The following SP100 variants were observed in gnomAD, a reference collection of about 807,000 sequenced individuals.
SP100 encodes the protein SP100 nuclear body protein.
A neutral mutation model predicts 130.0 loss-of-function variants in SP100; 84 were observed. The ratio of observed to expected loss-of-function variants is 0.65; its 90% CI spans 0.54 to 0.77. The LOEUF (loss-of-function observed/expected upper bound fraction) is 0.77. Among genes scored for constraint, SP100 ranks in the 30% least tolerant of loss-of-function variants. SP100 has a pLI of 0.00. For synonymous variants in SP100, 331 were observed against 351.7 expected (o/e 0.94, Z 0.66); for missense variants, 978 against 1,052.2 (o/e 0.93, Z 0.97).
chr2:230,445,912 G>A (rs571526781), intron 4 of SP100, among the ~76,000 whole-genome samples: 7 of 151,374 alleles, frequency 4.6e-5, no homozygotes, highest in Non-Finnish European at 1.5e-5. Flanking sequence ...ACCACCCACC[G>A]CCCCACCCAG....
chr2:230,434,154 A>G (rs183920707), intron 2 of SP100, among the ~76,000 whole-genome samples: 44 of 152,152 alleles, frequency 2.9e-4, no homozygotes, highest in African/African-American at 9.9e-4. Flanking sequence ...TTTAATTTAT[A>G]TAAAAATTAG....
intron 2 of SP100, among the ~76,000 whole-genome samples, chr2:230,428,440 T>C (rs1369294035): frequency 1.3e-5 from 2 of 149,468 alleles, no homozygotes; most frequent in African/African-American, 5.0e-5. Flanking sequence ...GGAGAAGTGC[T>C]ACACACTTTT....
chr2:230,434,013 A>G (rs1038006261), intron 2 of SP100, among the ~76,000 whole-genome samples: 1 of 151,604 alleles, frequency 6.6e-6, no homozygotes, highest in Admixed American at 6.6e-5. Flanking sequence ...TGGTAAAAGA[A>G]AGATCTGAAG....
intron 2 of SP100, among the ~76,000 whole-genome samples, chr2:230,441,382 C>A (rs1158190706): frequency 6.6e-6 from 1 of 152,178 alleles, no homozygotes; most frequent in East Asian, 1.9e-4. Context: ...CCAAGCAATT[C>A]CACTGCTACA....
At chr2:230,474,538 A>G (rs2150002390) in intron 17 of SP100, 91 bp downstream of exon 17, 2 of 704,232 alleles carry the variant, frequency 2.8e-6, no homozygotes, top group East Asian at 2.8e-5. Flanking sequence ...TCTTTTTTCA[A>G]CTTTTATTAT....
Position 230,504,503 on chromosome 2 carries a change from A to G in SP100, c.1870+213A>G, listed in dbSNP as rs73998845. Reference sequence around the variant, plus strand: ...AAAACATACCATAGGGAAAATGCACATGGGGTGAAATTCAGAGACAACCAA... The same window carrying G: ...AAAACATACCATAGGGAAAATGCACGTGGGGTGAAATTCAGAGACAACCAA... On this transcript the variant is annotated intron_variant, in intron 21 of 28. Transcript: ENST00000340126. 0.022 allele frequency among the ~76,000 whole-genome samples: 3,356 copies of G among 152,284 alleles called. 119 individuals are homozygous for G. The highest frequency in any genetic ancestry group is 0.077 in the African/African-American group (3,190 of 41,556).
intron 2 of SP100, among the ~76,000 whole-genome samples, chr2:230,440,191 A>G (rs62193388): frequency 0.49 from 74,306 of 151,888 alleles, 18,629 homozygotes; most frequent in African/African-American, 0.52. Flanking sequence ...AAAAATAGAA[A>G]TAATTGTTTG....
intron 25 of SP100, among the ~76,000 whole-genome samples, chr2:230,539,740 C>A (rs1692091947): frequency 6.6e-6 from 1 of 152,166 alleles, no homozygotes. Context: ...CATCACACAG[C>A]TGGTAAAGCC....
At chr2:230,495,372 G>C (rs2066611665) in intron 18 of SP100, among the ~76,000 whole-genome samples, 1 of 152,120 alleles carries the variant, frequency 6.6e-6, no homozygotes, top group African/African-American at 2.4e-5. Context: ...ACCCAGGCTG[G>C]AGTACAGTGC....
intron 24 of SP100, among the ~76,000 whole-genome samples, chr2:230,514,831 TC>T (rs1477697622): frequency 6.6e-6 from 1 of 152,150 alleles, no homozygotes; most frequent in African/African-American, 2.4e-5. Context: ...TTGGGTAAAT[TC>T]CTCCTTTCTT....
chr2:230,496,789 G>A (rs1051886081), intron 18 of SP100, among the ~76,000 whole-genome samples: 1 of 152,128 alleles, frequency 6.6e-6, no homozygotes, highest in Non-Finnish European at 1.5e-5. Context: ...CACTCCTGCT[G>A]GGGTCAACTC....
intron 24 of SP100, among the ~76,000 whole-genome samples, chr2:230,532,925 C>A (rs1019003520): frequency 6.6e-6 from 1 of 152,116 alleles, no homozygotes; most frequent in Non-Finnish European, 1.5e-5. Context: ...GGATTACAGG[C>A]GCCCACCACC....
At chr2:230,449,377 C>T (rs757341246) in intron 6 of SP100, 184 bp from the exon 7 acceptor site, 12 of 801,232 alleles carry the variant, frequency 1.5e-5, no homozygotes, top group Admixed American at 8.0e-5. Context: ...TTCCTGCTGC[C>T]GCTGAGCCTG....
intron 2 of SP100, among the ~76,000 whole-genome samples, chr2:230,440,029 A>G (rs1259412266): frequency 6.6e-6 from 1 of 152,190 alleles, no homozygotes; most frequent in Non-Finnish European, 1.5e-5. Context: ...GGAAAGAAAG[A>G]CGCAGGAATA....
chr2:230,526,143 C>A (rs950202943), intron 24 of SP100, among the ~76,000 whole-genome samples: 4 of 152,174 alleles, frequency 2.6e-5, no homozygotes, highest in African/African-American at 9.6e-5. Flanking sequence ...ACTGGGAAAC[C>A]CCTGCCAGTA....
intron 22 of SP100, 121 bp downstream of exon 22, chr2:230,506,566 A>T (rs1450416181): frequency 5.3e-6 from 5 of 949,792 alleles, no homozygotes; most frequent in African/African-American, 3.3e-5. Flanking sequence ...CCAGGTCTCC[A>T]TGCATATGTT....
At chr2:230,433,976 T>A (rs1444232881) in intron 2 of SP100, among the ~76,000 whole-genome samples, 1 of 150,810 alleles carries the variant, frequency 6.6e-6, no homozygotes, top group African/African-American at 2.4e-5. Context: ...ACTGTATTAT[T>A]TCTTTTCTCT....
rs542325937 is a variant in SP100 at position 230,465,071 on chromosome 2, A to C, written c.1141+921A>C. ...GCCAATATGGTGAAACCCTGTCTCT[A>C]CTAAAAATACAAAAATTAGCCAGGC... is the stretch of plus-strand genomic sequence containing the variant. On this transcript the variant is annotated intron_variant, in intron 11 of 28. Coordinates refer to ENST00000340126, the MANE Select transcript of SP100 (RefSeq NM_001080391.2). Among the ~76,000 whole-genome samples the C allele has an allele frequency of 2.0e-4, 31 of 152,310 alleles. No homozygotes were observed. In the South Asian group the frequency reaches 6.2e-3, roughly 31 times the overall value.
intron 24 of SP100, chr2:230,538,733 GT>G: frequency 6.5e-6 from 1 of 153,494 alleles, no homozygotes; most frequent in Non-Finnish European, 1.5e-5. Flanking sequence ...CTTGCCCACG[GT>G]TTTTCCATCC....
Sources: allele counts gnomAD v4.1 joint callset (sites outside exome capture counted in the v4.1 genomes callset), GRCh38; gene constraint gnomAD v4.1.1; transcripts MANE v1.5; gene names NCBI Gene and HGNC (gene_info 2026-07-23, HGNC 2026-07-21).